Variants in GREB1L observed in about 807,000 individuals in gnomAD.
GREB1L encodes GREB1-like protein.
In GREB1L, 17 loss-of-function variants were observed where a neutral mutation model predicts 200.8. The observed-to-expected ratio is 0.08, with a 90% CI of 0.06 to 0.13. The LOEUF (loss-of-function observed/expected upper bound fraction) is 0.13, where lower values mean the gene tolerates loss of function less well. Among genes scored for constraint, GREB1L ranks in the 10% least tolerant of loss-of-function variants. The pLI is 1.00. For missense variants in GREB1L, 1,657 were observed against 2,367.7 expected, an observed-to-expected ratio of 0.70 and a Z score of 6.23; for synonymous variants, 789 against 893.0, an observed-to-expected ratio of 0.88 and a Z score of 2.08.
At chr18:21,250,948 T>C (rs2037692426) in intron 1 of GREB1L, among the ~76,000 whole-genome samples, 1 of 152,236 alleles carries the variant, frequency 6.6e-6, no homozygotes, top group Non-Finnish European at 1.5e-5. Flanking sequence ...GCCATTCTTT[T>C]ATGCATCTCC....
intron 1 of GREB1L, among the ~76,000 whole-genome samples, chr18:21,335,991 T>C (rs2039179313): frequency 6.6e-6 from 1 of 152,142 alleles, no homozygotes; most frequent in Non-Finnish European, 1.5e-5. Flanking sequence ...AATAATTTCA[T>C]CATTAAAACA....
At chr18:21,288,412 A>G (rs1189462530) in intron 1 of GREB1L, among the ~76,000 whole-genome samples, 1 of 152,196 alleles carries the variant, frequency 6.6e-6, no homozygotes, top group East Asian at 1.9e-4. Context: ...ACCAAGGACC[A>G]CTGTCTGGGC....
At chr18:21,297,350 T>A (rs2038546571) in intron 1 of GREB1L, among the ~76,000 whole-genome samples, 1 of 152,216 alleles carries the variant, frequency 6.6e-6, no homozygotes, top group African/African-American at 2.4e-5. Context: ...ATGCTTGTAC[T>A]TCTTGTCGGC....
At chr18:21,426,727 G>A (rs1229697983) in intron 7 of GREB1L, among the ~76,000 whole-genome samples, 8 of 152,102 alleles carry the variant, frequency 5.3e-5, no homozygotes, top group Non-Finnish European at 1.0e-4. Context: ...GGGAGGCAGA[G>A]GCGGGCGGAT....
intron 7 of GREB1L, among the ~76,000 whole-genome samples, chr18:21,436,381 C>A (rs1194256079): frequency 6.6e-6 from 1 of 152,092 alleles, no homozygotes; most frequent in African/African-American, 2.4e-5. Flanking sequence ...CGCCTGTAAA[C>A]CCATCACTTT....
intron 7 of GREB1L, among the ~76,000 whole-genome samples, chr18:21,408,193 C>T (rs1446913812): frequency 3.3e-5 from 5 of 152,236 alleles, no homozygotes; most frequent in Middle Eastern, 6.8e-3. Context: ...TTAATCATTA[C>T]ATATTGTATG....
intron 9 of GREB1L, among the ~76,000 whole-genome samples, chr18:21,440,728 C>T (rs917189791): frequency 2.6e-5 from 4 of 152,114 alleles, no homozygotes; most frequent in Non-Finnish European, 4.4e-5. Flanking sequence ...ATGTGACCCA[C>T]GCTTATTATT....
chr18:21,516,884 T>TG (rs1023614273), intron 30 of GREB1L, 130 bp downstream of exon 30: 58 of 905,480 alleles, frequency 6.4e-5, no homozygotes, highest in Non-Finnish European at 8.3e-5. Flanking sequence ...GGAGTTTTTT[T>TG]TTTTTTTTTT....
At chr18:21,246,592 G>A (rs1234003459) in intron 1 of GREB1L, among the ~76,000 whole-genome samples, 2 of 152,134 alleles carry the variant, frequency 1.3e-5, no homozygotes, top group East Asian at 1.9e-4. Context: ...ATTTTGAGCT[G>A]TACCATAAGC....
At chr18:21,465,931 T>C (rs2035246783) in intron 15 of GREB1L, among the ~76,000 whole-genome samples, 1 of 152,204 alleles carries the variant, frequency 6.6e-6, no homozygotes, top group Non-Finnish European at 1.5e-5. Flanking sequence ...ACCATTACAC[T>C]GAATTTTGTG....
intron 2 of GREB1L, among the ~76,000 whole-genome samples, chr18:21,378,857 T>A (rs1198633512): frequency 1.3e-5 from 2 of 152,100 alleles, no homozygotes; most frequent in East Asian, 1.9e-4. Context: ...TGCCCATTTT[T>A]AAATTAATTT....
At chr18:21,455,188 T>C (rs879229550) in intron 15 of GREB1L, 4 of 152,200 alleles carry the variant, frequency 2.6e-5, no homozygotes, top group Admixed American at 2.6e-4. Context: ...GAAATAAAAT[T>C]TGATTAGAAT....
chr18:21,313,347 A>G (rs2038821406), intron 1 of GREB1L, among the ~76,000 whole-genome samples: 1 of 152,170 alleles, frequency 6.6e-6, no homozygotes, highest in South Asian at 2.1e-4. Flanking sequence ...CAATATGAAG[A>G]CAATAGCAAG....
chr18:21,466,093 G>A (rs1387074780), intron 15 of GREB1L, among the ~76,000 whole-genome samples: 2 of 152,102 alleles, frequency 1.3e-5, no homozygotes, highest in African/African-American at 4.8e-5. Flanking sequence ...TTACGTCCCT[G>A]AAGTTGTTCC....
chr18:21,346,026 C>A (rs2039339499), intron 1 of GREB1L, among the ~76,000 whole-genome samples: 1 of 152,110 alleles, frequency 6.6e-6, no homozygotes, highest in South Asian at 2.1e-4. Flanking sequence ...CCAGTCCTGA[C>A]ACAAAGAAGG....
chr18:21,491,822 T>A (rs2036350323), intron 19 of GREB1L, among the ~76,000 whole-genome samples: 1 of 152,112 alleles, frequency 6.6e-6, no homozygotes, highest in South Asian at 2.1e-4. Flanking sequence ...ATTAGCTTAA[T>A]AAGCAATTGG....
At chr18:21,461,430 C>G (rs991032092) in intron 15 of GREB1L, among the ~76,000 whole-genome samples, 27 of 152,192 alleles carry the variant, frequency 1.8e-4, no homozygotes, top group African/African-American at 6.3e-4. Flanking sequence ...ACTGCCAAAC[C>G]AAGAGGGCTG....
chr18:21,363,783 A>C (rs1438399594), intron 1 of GREB1L: 1 of 152,238 alleles, frequency 6.6e-6, no homozygotes, highest in Non-Finnish European at 1.5e-5. Context: ...AAGATGGATC[A>C]GATGTCATTT....
At chr18:21,409,792 C>T (rs1388423236) in intron 7 of GREB1L, among the ~76,000 whole-genome samples, 1 of 152,060 alleles carries the variant, frequency 6.6e-6, no homozygotes, top group Non-Finnish European at 1.5e-5. Context: ...GTTTCCTTTC[C>T]TCATTTGCAA....
Sources: gnomAD v4.1 joint callset for allele counts (sites outside exome capture counted in the v4.1 genomes callset) on GRCh38, gnomAD v4.1.1 for gene constraint, MANE v1.5 for transcripts, NCBI Gene and HGNC (gene_info 2026-07-23, HGNC 2026-07-21) for gene names.